The following CNDP1 variants were observed in gnomAD, a reference collection of about 807,000 sequenced individuals.
The protein encoded by CNDP1 is carnosine dipeptidase 1.
CNDP1 carries 44 observed loss-of-function variants against 58.1 expected under a neutral mutation model. The ratio of observed to expected loss-of-function variants is 0.76; its 90% CI spans 0.60 to 0.97. The LOEUF is 0.97. Among genes scored for constraint, CNDP1 ranks in the 50% least tolerant of loss-of-function variants. The pLI, the probability that CNDP1 is intolerant of heterozygous loss-of-function variation, is 0.00. For synonymous variants in CNDP1, 254 were observed against 252.6 expected (o/e 1.01, Z -0.05); for missense variants, 616 against 655.1 (o/e 0.94, Z 0.65).
chr18:74,547,699 G>A (rs1980797662), intron 1 of CNDP1, among the ~76,000 whole-genome samples: 1 of 152,204 alleles, frequency 6.6e-6, no homozygotes, highest in African/African-American at 2.4e-5. Context: ...AGTGTCTGCT[G>A]GAAGCTCAGG....
chr18:74,554,816 T>G (rs968622383), intron 1 of CNDP1, among the ~76,000 whole-genome samples: 1 of 152,142 alleles, frequency 6.6e-6, no homozygotes, highest in Non-Finnish European at 1.5e-5. Flanking sequence ...GCCCCACCTT[T>G]AAAAAGATCA....
At chr18:74,537,520 C>G (rs1019912862) in intron 1 of CNDP1, among the ~76,000 whole-genome samples, 4 of 152,148 alleles carry the variant, frequency 2.6e-5, no homozygotes, top group African/African-American at 9.7e-5. Context: ...CAAGATTGGG[C>G]AAACTCTTTC....
chr18:74,540,379 C>G (rs1366555030), intron 1 of CNDP1, among the ~76,000 whole-genome samples: 2 of 152,114 alleles, frequency 1.3e-5, no homozygotes, highest in Non-Finnish European at 2.9e-5. Context: ...AGGCTGGTCT[C>G]AAACTCCTGA....
chr18:74,574,670 A>C (rs1981582309), intron 7 of CNDP1: 1 of 152,214 alleles, frequency 6.6e-6, no homozygotes, highest in Non-Finnish European at 1.5e-5. Flanking sequence ...GGAGGGGGCG[A>C]ACTCTTAAGC....
At position 74,562,125 on chromosome 18, in the gene CNDP1, C is replaced by T. The variant is rs1330671676; in HGVS notation, c.545C>T (p.Ala182Val). ...AWINAVSAFRALEQDLPVNIK... is the reference protein window; with the variant it reads ...AWINAVSAFRVLEQDLPVNIK... ...ATCAATGCTGTGAGCGCCTTCAGAG[C>T]CCTGGAGCAAGTAGGTGGCAGCTGT... The change falls in exon 5 of 12, where the codon GCC (alanine) becomes GTC (valine). Residue 182 changes from alanine (A) to valine (V), a missense_variant. Ala to Val is a moderately conservative substitution (Grantham distance 64). Coordinates refer to ENST00000358821, the MANE Select transcript of CNDP1 (RefSeq NM_032649.6). The T allele has an allele frequency of 9.9e-6, 16 of 1,613,846 alleles. No individual in the cohort carries two copies. Among genetic ancestry groups the T allele is most frequent in the East Asian group, 2.2e-5 (1 of 44,880 alleles).
chr18:74,552,044 C>T (rs1028747281), intron 1 of CNDP1, among the ~76,000 whole-genome samples: 1 of 152,238 alleles, frequency 6.6e-6, no homozygotes, highest in Non-Finnish European at 1.5e-5. Flanking sequence ...TCATCTGCCG[C>T]CCCTGGCTCC....
intron 1 of CNDP1, among the ~76,000 whole-genome samples, chr18:74,549,149 AC>A (rs1282541679): frequency 4.6e-5 from 7 of 152,142 alleles, no homozygotes; most frequent in Admixed American, 2.0e-4. Flanking sequence ...TTTTCACATC[AC>A]TCTAGTATAT....
At chr18:74,560,294 A>G in intron 3 of CNDP1, among the ~76,000 whole-genome samples, 1 of 152,204 alleles carries the variant, frequency 6.6e-6, no homozygotes, top group Non-Finnish European at 1.5e-5. Flanking sequence ...GATTACAGGC[A>G]TGAGCCACCG....
chr18:74,566,838 G>A (rs1424276926), intron 5 of CNDP1, among the ~76,000 whole-genome samples: 1 of 152,036 alleles, frequency 6.6e-6, no homozygotes, highest in African/African-American at 2.4e-5. Context: ...CCACTCTACT[G>A]GTACCAATTT....
chr18:74,577,095 GT>G, intron 8 of CNDP1, 66 bp downstream of exon 8: 1 of 1,393,298 alleles, frequency 7.2e-7, no homozygotes, highest in Non-Finnish European at 9.7e-7. Flanking sequence ...TTTGCCCTCT[GT>G]CTAAGTCATT....
chr18:74,559,955 C>T (rs1318571478), intron 3 of CNDP1, among the ~76,000 whole-genome samples: 1 of 150,914 alleles, frequency 6.6e-6, no homozygotes, highest in Non-Finnish European at 1.5e-5. Context: ...ACCTCAGGAT[C>T]ATCCATGTTT....
rs1051231722 is a variant in CNDP1 at position 74,584,792 on chromosome 18, C to T, written c.*230C>T. On this transcript the variant is annotated 3_prime_UTR_variant, in exon 12 of 12. Coordinates refer to ENST00000358821, the MANE Select transcript of CNDP1 (RefSeq NM_032649.6). ...GCACACCTTCCTCAAGTCATAGCTG[C>T]TTGCAGCAACTTGATTTCCCCAAGT... is the stretch of plus-strand genomic sequence containing the variant. 17 of 479,404 alleles carry T rather than the reference C, an allele frequency of 3.5e-5. No homozygotes were observed. Among genetic ancestry groups the T allele is most frequent in the Non-Finnish European group, 5.6e-5 (15 of 266,944 alleles). The allele number at this position is 479,404 out of a possible 1,614,324, so 29.7% of individuals were successfully genotyped here. A position where few individuals can be genotyped will look rare whatever the true frequency, so the allele number is the denominator to read the frequency against.
At chr18:74,584,281 G>C in intron 11 of CNDP1, 1 of 531,460 alleles carries the variant, frequency 1.9e-6, no homozygotes, top group Non-Finnish European at 3.4e-6. Context: ...TTTTGGATTT[G>C]AGTCTAGGAC....
chr18:74,561,263 A>C, intron 4 of CNDP1: 1 of 390,314 alleles, frequency 2.6e-6, no homozygotes, highest in Non-Finnish European at 4.7e-6. Flanking sequence ...AAAAATACAA[A>C]AAAATAGCTG....
At chr18:74,544,171 G>A (rs1168172820) in intron 1 of CNDP1, among the ~76,000 whole-genome samples, 1 of 152,010 alleles carries the variant, frequency 6.6e-6, no homozygotes, top group Non-Finnish European at 1.5e-5. Context: ...AGAATCACTT[G>A]ACACTAAGAG....
At chr18:74,541,201 C>A (rs1228974241) in intron 1 of CNDP1, among the ~76,000 whole-genome samples, 1 of 152,212 alleles carries the variant, frequency 6.6e-6, no homozygotes, top group East Asian at 1.9e-4. Context: ...CGGTCATGGG[C>A]TCTGCTGACG....
Position 74,583,636 on chromosome 18 carries a change from A to G in CNDP1, c.1385A>G (p.His462Arg). Residue 462 changes from histidine to arginine, a missense_variant, in exon 11 of 12, where the codon CAC (histidine) becomes CGC (arginine). His to Arg is a conservative substitution (Grantham distance 29). Coordinates refer to ENST00000358821, the MANE Select transcript of CNDP1 (RefSeq NM_032649.6). ...PIAKMFQEIV[H>R]KSVVLIPLGA... ...GCCAAAATGTTCCAGGAGATCGTCC[A>G]CAAGAGCGTGGTGCTAATTCCGCTG... The G allele has an allele frequency of 6.2e-7, 1 of 1,614,192 alleles. No homozygotes were observed. Among genetic ancestry groups the G allele is most frequent in the Non-Finnish European group, 8.5e-7 (1 of 1,180,016 alleles).
At chr18:74,560,577 C>T (rs952944985) in intron 3 of CNDP1, among the ~76,000 whole-genome samples, 5 of 151,874 alleles carry the variant, frequency 3.3e-5, no homozygotes, top group Non-Finnish European at 5.9e-5. Flanking sequence ...TGGTGGTGCA[C>T]GTCTGTAGTC....
At chr18:74,560,701 G>GA (rs796679431) in intron 3 of CNDP1, among the ~76,000 whole-genome samples, 155 bp from the exon 4 acceptor site, 5 of 150,324 alleles carry the variant, frequency 3.3e-5, no homozygotes, top group African/African-American at 9.8e-5. Context: ...AAAGAAAAAA[G>GA]AAAAAAAAAG....
Sources: allele counts gnomAD v4.1 joint callset (sites outside exome capture counted in the v4.1 genomes callset), GRCh38; gene constraint gnomAD v4.1.1; transcripts MANE v1.5; gene names NCBI Gene and HGNC (gene_info 2026-07-23, HGNC 2026-07-21).